Variants in TLK1 observed in about 807,000 individuals in gnomAD.
TLK1 encodes serine/threonine-protein kinase tousled-like 1.
A neutral mutation model predicts 105.3 loss-of-function variants in TLK1; 24 were observed. That is an observed-to-expected ratio of 0.23 (90% CI 0.17 to 0.32). The LOEUF (loss-of-function observed/expected upper bound fraction) is 0.32, where lower values mean the gene tolerates loss of function less well. Ranked by LOEUF, TLK1 falls within the 10% of genes least tolerant of loss-of-function variation. The pLI, the probability that TLK1 is intolerant of heterozygous loss-of-function variation, is 1.00. For missense variants in TLK1, 558 were observed against 910.5 expected (o/e 0.61, Z 4.98); for synonymous variants, 321 against 310.4 (o/e 1.03, Z -0.36).
intron 18 of TLK1, among the ~76,000 whole-genome samples, chr2:170,998,089 TCTACCTAC>T (rs67664818): frequency 9.9e-4 from 101 of 101,746 alleles, no homozygotes; most frequent in Middle Eastern, 4.8e-3. Context: ...TATCTATCTA[TCTACCTAC>T]CTACCTACCT....
chr2:171,024,484 C>T (rs569327132), intron 12 of TLK1, among the ~76,000 whole-genome samples: 4 of 152,186 alleles, frequency 2.6e-5, no homozygotes, highest in African/African-American at 4.8e-5. Context: ...TGAAATAGCA[C>T]GTTCATCCCG....
At chr2:171,147,135 T>C (rs1310766273) in intron 1 of TLK1, among the ~76,000 whole-genome samples, 1 of 152,236 alleles carries the variant, frequency 6.6e-6, no homozygotes, top group African/African-American at 2.4e-5. Flanking sequence ...CCTTCCTCAC[T>C]AGACTGTGAC....
chr2:171,136,594 C>T (rs962031104), intron 1 of TLK1, among the ~76,000 whole-genome samples: 9 of 152,202 alleles, frequency 5.9e-5, no homozygotes, highest in Admixed American at 3.9e-4. Flanking sequence ...AAAGAAAAGG[C>T]TAAGATGGTA....
At chr2:171,218,522 A>G (rs1693755135) in intron 1 of TLK1, among the ~76,000 whole-genome samples, 1 of 151,984 alleles carries the variant, frequency 6.6e-6, no homozygotes, top group African/African-American at 2.4e-5. Flanking sequence ...TTATGCTGCT[A>G]TAACACAATA....
intron 11 of TLK1, among the ~76,000 whole-genome samples, chr2:171,040,352 T>C (rs1056848663): frequency 6.6e-6 from 1 of 152,184 alleles, no homozygotes; most frequent in Non-Finnish European, 1.5e-5. Flanking sequence ...ACGATGTGTC[T>C]ATGCAGGTAA....
chr2:171,197,724 A>G (rs1575655701), intron 1 of TLK1, among the ~76,000 whole-genome samples: 1 of 152,148 alleles, frequency 6.6e-6, no homozygotes, highest in Non-Finnish European at 1.5e-5. Flanking sequence ...AGTTGTAGGG[A>G]GCCAAGATCA....
chr2:171,211,635 C>T (rs1278700424), intron 1 of TLK1, among the ~76,000 whole-genome samples: 2 of 151,510 alleles, frequency 1.3e-5, no homozygotes, highest in Non-Finnish European at 2.9e-5. Context: ...CTGCAGCATC[C>T]GCCTCCCGGG....
chr2:170,998,107 TAC>T (rs1684168595), intron 18 of TLK1, among the ~76,000 whole-genome samples: 1 of 144,336 alleles, frequency 6.9e-6, no homozygotes, highest in Non-Finnish European at 1.5e-5. Context: ...CCTACCTACC[TAC>T]CACCTACCTA....
chr2:171,010,647 CATAAAA>C (rs1054314550), intron 14 of TLK1, among the ~76,000 whole-genome samples: 1 of 147,140 alleles, frequency 6.8e-6, no homozygotes, highest in Non-Finnish European at 1.5e-5. Context: ...AAAAGAAAGG[CATAAAA>C]TAGTGAACAT....
chr2:171,090,791 G>C (rs1689193638), intron 2 of TLK1, among the ~76,000 whole-genome samples: 1 of 152,054 alleles, frequency 6.6e-6, no homozygotes. Flanking sequence ...CACTTTATAA[G>C]GCTTTTTATT....
chr2:171,118,620 A>T (rs1690531356), intron 1 of TLK1, among the ~76,000 whole-genome samples: 1 of 152,214 alleles, frequency 6.6e-6, no homozygotes, highest in Non-Finnish European at 1.5e-5. Context: ...TGCAGACTAA[A>T]GCACTCCAAA....
intron 18 of TLK1, among the ~76,000 whole-genome samples, chr2:171,003,924 C>T (rs995558427): frequency 6.6e-6 from 1 of 152,088 alleles, no homozygotes; most frequent in South Asian, 2.1e-4. Flanking sequence ...ATATATTTCA[C>T]GCCTTCGTGA....
chr2:171,171,075 A>C (rs1229962034), intron 1 of TLK1, among the ~76,000 whole-genome samples: 1 of 152,210 alleles, frequency 6.6e-6, no homozygotes, highest in African/African-American at 2.4e-5. Flanking sequence ...AAATCTAAAA[A>C]TATTTTTATG....
At chr2:171,110,597 T>G (rs55995602) in intron 2 of TLK1, among the ~76,000 whole-genome samples, 17,798 of 152,238 alleles carry the variant, frequency 0.12, 1,668 homozygotes, top group African/African-American at 0.25. Flanking sequence ...TTATGATAAG[T>G]TAAAAGAAGC....
At chr2:171,105,625 G>A (rs1363477878) in intron 2 of TLK1, among the ~76,000 whole-genome samples, 7 of 152,240 alleles carry the variant, frequency 4.6e-5, no homozygotes, top group Non-Finnish European at 1.5e-5. Context: ...GGCGGAGGCT[G>A]CAGTGAGCCC....
At chr2:171,054,400 G>T (rs1349928686) in intron 7 of TLK1, 1 of 152,142 alleles carries the variant, frequency 6.6e-6, no homozygotes, top group African/African-American at 2.4e-5. Context: ...TATGTCCTTT[G>T]ACCAACATCT....
intron 1 of TLK1, among the ~76,000 whole-genome samples, chr2:171,216,412 C>G (rs891495104): frequency 1.3e-5 from 2 of 151,956 alleles, no homozygotes; most frequent in Admixed American, 1.3e-4. Flanking sequence ...GGAGGTGGAG[C>G]TTGCAGTGAG....
chr2:171,074,904 G>C (rs561034323), intron 3 of TLK1, among the ~76,000 whole-genome samples: 1 of 151,874 alleles, frequency 6.6e-6, no homozygotes, highest in African/African-American at 2.4e-5. Context: ...CAAAAGCAAG[G>C]TAATTTATTC....
chr2:171,095,226 A>G (rs541332681), intron 2 of TLK1, among the ~76,000 whole-genome samples: 2 of 152,186 alleles, frequency 1.3e-5, no homozygotes, highest in Admixed American at 1.3e-4. Flanking sequence ...ACTAGAAAAA[A>G]GAAAACCAAA....
Sources: gnomAD v4.1 joint callset for allele counts (sites outside exome capture counted in the v4.1 genomes callset) on GRCh38, gnomAD v4.1.1 for gene constraint, MANE v1.5 for transcripts, NCBI Gene and HGNC (gene_info 2026-07-23, HGNC 2026-07-21) for gene names.